The following DPP10 variants were observed in gnomAD, a reference collection of about 807,000 sequenced individuals.
DPP10 encodes the protein inactive dipeptidyl peptidase 10.
Under a neutral mutation model 120.9 loss-of-function variants are expected in DPP10, and 33 were observed. The observed-to-expected ratio is 0.27, with a 90% CI of 0.21 to 0.37. The LOEUF (loss-of-function observed/expected upper bound fraction) is 0.37. Among genes scored for constraint, DPP10 ranks in the 10% least tolerant of loss-of-function variants. The pLI is 1.00. For missense variants in DPP10, 816 were observed against 942.8 expected (o/e 0.87, Z 1.76); for synonymous variants, 337 against 326.1 (o/e 1.03, Z -0.36).
At chr2:115,667,174 T>C (rs2089520231) in intron 5 of DPP10, among the ~76,000 whole-genome samples, 1 of 152,202 alleles carries the variant, frequency 6.6e-6, no homozygotes, top group Non-Finnish European at 1.5e-5. Context: ...TTTGTTCATG[T>C]CCTTTGCTTA....
At chr2:115,167,617 A>C (rs1435406039) in intron 1 of DPP10, among the ~76,000 whole-genome samples, 1 of 151,698 alleles carries the variant, frequency 6.6e-6, no homozygotes, top group Non-Finnish European at 1.5e-5. Context: ...AAAAAAAAAA[A>C]AAAAAAAGCC....
chr2:115,635,230 C>A (rs2086229056), intron 5 of DPP10, among the ~76,000 whole-genome samples: 1 of 152,162 alleles, frequency 6.6e-6, no homozygotes, highest in Admixed American at 6.5e-5. Context: ...GATGGCCACC[C>A]CTCCCTCTGG....
chr2:114,650,333 A>G (rs1696488037), intron 1 of DPP10, among the ~76,000 whole-genome samples: 2 of 152,200 alleles, frequency 1.3e-5, no homozygotes, highest in South Asian at 4.1e-4. Flanking sequence ...TGATGCCTGA[A>G]GCATCCAAAC....
intron 1 of DPP10, among the ~76,000 whole-genome samples, chr2:114,889,884 C>T (rs1251665016): frequency 6.6e-6 from 1 of 152,136 alleles, no homozygotes; most frequent in Non-Finnish European, 1.5e-5. Flanking sequence ...ATGCTGTATA[C>T]CTCTTTATGC....
At chr2:114,681,859 A>G (rs1297185884) in intron 1 of DPP10, among the ~76,000 whole-genome samples, 2 of 151,982 alleles carry the variant, frequency 1.3e-5, no homozygotes, top group Non-Finnish European at 2.9e-5. Context: ...TTGTGAGATC[A>G]CTGTGGCATT....
chr2:115,021,725 C>A (rs191335924), intron 1 of DPP10, among the ~76,000 whole-genome samples: 1 of 152,106 alleles, frequency 6.6e-6, no homozygotes, highest in Admixed American at 6.6e-5. Context: ...AAACTTCAGA[C>A]CAATATCACT....
intron 1 of DPP10, among the ~76,000 whole-genome samples, chr2:115,036,827 A>G (rs1396935): frequency 0.97 from 147,350 of 152,254 alleles, 71,503 homozygotes; most frequent in East Asian, 1. Context: ...AGAAACTCCC[A>G]AATTTCTGCA....
At chr2:115,667,406 A>G (rs1398157264) in intron 5 of DPP10, among the ~76,000 whole-genome samples, 1 of 152,002 alleles carries the variant, frequency 6.6e-6, no homozygotes, top group African/African-American at 2.4e-5. Context: ...GTATTTTCAT[A>G]CAATCTTTTC....
At chr2:115,479,589 T>C (rs552871168) in intron 3 of DPP10, among the ~76,000 whole-genome samples, 1 of 152,260 alleles carries the variant, frequency 6.6e-6, no homozygotes, top group Non-Finnish European at 1.5e-5. Flanking sequence ...TGCAATTTAC[T>C]ATAATTAAAA....
intron 5 of DPP10, among the ~76,000 whole-genome samples, chr2:115,650,054 A>AT (rs2087618857): frequency 6.6e-6 from 1 of 151,972 alleles, no homozygotes. Context: ...AGGGAACAGC[A>AT]TTTTTTCCTG....
intron 1 of DPP10, among the ~76,000 whole-genome samples, chr2:114,510,539 G>T (rs1201038244): frequency 1.3e-5 from 2 of 152,184 alleles, no homozygotes; most frequent in African/African-American, 4.8e-5. Context: ...GGGAGGCAGA[G>T]GTTGCAGTGA....
intron 1 of DPP10, among the ~76,000 whole-genome samples, chr2:115,228,652 T>C (rs760291259): frequency 2.6e-5 from 4 of 152,148 alleles, no homozygotes; most frequent in African/African-American, 4.8e-5. Flanking sequence ...ACCACACTTA[T>C]TCCACTTAAC....
Position 115,343,925 on chromosome 2 carries a change from CT to C in DPP10, c.271+18del. On this transcript the variant is annotated intron_variant, in intron 3 of 25. Transcript: ENST00000410059. ...CGGTGGATCAATGGTAAGTGTATAC[CT>C]TTTTAAACATTGTATTCATTTTGAG... 1.9e-6 allele frequency: 3 copies of C among 1,572,492 alleles called. No homozygotes were observed. The highest frequency in any genetic ancestry group is 1.2e-5 in the South Asian group (1 of 84,336).
chr2:114,708,138 C>A (rs1430425193), intron 1 of DPP10, among the ~76,000 whole-genome samples: 1 of 152,146 alleles, frequency 6.6e-6, no homozygotes, highest in East Asian at 1.9e-4. Context: ...GGATAGGCAG[C>A]TAAAACAAAC....
chr2:114,877,832 A>T (rs1334294331), intron 1 of DPP10, among the ~76,000 whole-genome samples: 5 of 152,110 alleles, frequency 3.3e-5, no homozygotes, highest in African/African-American at 1.2e-4. Flanking sequence ...TCTGCACACC[A>T]TATGATGTTT....
chr2:115,757,299 G>A (rs1410026909), intron 11 of DPP10, among the ~76,000 whole-genome samples: 2 of 151,870 alleles, frequency 1.3e-5, no homozygotes, highest in African/African-American at 4.8e-5. Flanking sequence ...TCATGCTGCT[G>A]ATAAAGACAT....
At position 114,489,801 on chromosome 2, in the gene DPP10, G is replaced by C. The variant is rs192159496; in HGVS notation, c.60+46963G>C. Reference sequence around the variant, plus strand: ...TCTACCGTAAAATACATAAGCCTAGGGGCACTTAAGAAAGCATATAAACCT... The same window carrying C: ...TCTACCGTAAAATACATAAGCCTAGCGGCACTTAAGAAAGCATATAAACCT... On this transcript the variant is annotated intron_variant, in intron 1 of 25. Coordinates refer to ENST00000410059, the MANE Select transcript of DPP10 (RefSeq NM_020868.6). Among the ~76,000 whole-genome samples the C allele has an allele frequency of 2.6e-4, 39 of 152,226 alleles. No individual in the cohort carries two copies. The East Asian group carries it at 6.8e-3, about 26-fold the overall frequency.
chr2:115,689,852 G>A lies in DPP10; in HGVS notation c.507G>A (p.Glu169=). The A allele has an allele frequency of 6.2e-7, 1 of 1,613,888 alleles. No individual in the cohort carries two copies. The highest frequency in any genetic ancestry group is 1.1e-5 in the South Asian group (1 of 91,066). The change falls in exon 7 of 26, where the codon GAG becomes GAA. Residue 169 remains glutamate, a synonymous_variant. Coordinates refer to ENST00000410059, the MANE Select transcript of DPP10 (RefSeq NM_020868.6). ...IYNIHTREVW[E]LNPPEVEDSV... ...ACATTTTTTCAAGGGAAGTTTGGGA[G>A]TTAAATCCTCCAGAAGTAGAGGACT...
intron 1 of DPP10, among the ~76,000 whole-genome samples, chr2:114,603,852 T>A (rs1692572150): frequency 6.6e-6 from 1 of 152,014 alleles, no homozygotes; most frequent in South Asian, 2.1e-4. Context: ...GGTCCCCAGA[T>A]CACCCACCAG....
Sources: gnomAD v4.1 joint callset for allele counts (sites outside exome capture counted in the v4.1 genomes callset) on GRCh38, gnomAD v4.1.1 for gene constraint, MANE v1.5 for transcripts, NCBI Gene and HGNC (gene_info 2026-07-23, HGNC 2026-07-21) for gene names.